Variants in NPIPB8 observed in about 807,000 individuals in gnomAD.
NPIPB8 encodes nuclear pore complex interacting protein family member B8.
NPIPB8 carries 3 observed loss-of-function variants against 5.3 expected under a neutral mutation model. The ratio of observed to expected loss-of-function variants is 0.57; its 90% confidence interval spans 0.26 to 1.47. NPIPB8 has a LOEUF of 1.47. Ranked by LOEUF, NPIPB8 falls within the 40% of genes most tolerant of loss-of-function variation. NPIPB8 has a pLI of 0.13. For missense variants in NPIPB8, 50 were observed against 50.2 expected (o/e 1.00, Z 0.01); for synonymous variants, 18 against 23.0 (o/e 0.78, Z 0.62).
intron 2 of NPIPB8, 83 bp downstream of exon 2, chr16:28,638,563 T>C: frequency 1.4e-6 from 2 of 1,440,110 alleles, no homozygotes; most frequent in Non-Finnish European, 1.9e-6. Flanking sequence ...TAGCGGGTGA[T>C]GCTGGGGGAA....
In NPIPB8 at chr16:28,644,923, G is replaced by A. The variant is rs375132703; in HGVS notation, c.121-3212G>A. Among the ~76,000 whole-genome samples the A allele has an allele frequency of 1.6e-3, 141 of 88,434 alleles. 1 individual carries two copies. The highest frequency in any genetic ancestry group is 1.3e-4 in the Non-Finnish European group (5 of 39,718). The allele number at this position is 88,434 out of a possible 152,430, so 58.0% of individuals were successfully genotyped here. A position where few individuals can be genotyped will look rare whatever the true frequency, so the allele number is the denominator to read the frequency against. On this transcript the variant is annotated intron_variant, in intron 2 of 7. Transcript: ENST00000683297. ...CTGAGGTGGGAGGATCGCTTGGGCC[G>A]AGGAGCTGGACGTTGCAGTGAGCTG...
At chr16:28,640,739 G>C (rs534861615) in intron 2 of NPIPB8, among the ~76,000 whole-genome samples, 3 of 152,144 alleles carry the variant, frequency 2.0e-5, no homozygotes, top group Non-Finnish European at 4.4e-5. Context: ...ATCATCACCA[G>C]CATGATTAAA....
At chr16:28,651,632 G>T (rs1220860149) in intron 3 of NPIPB8, among the ~76,000 whole-genome samples, 44 of 83,396 alleles carry the variant, frequency 5.3e-4, no homozygotes, top group African/African-American at 2.5e-3. Context: ...GTGTGTGTGT[G>T]TGTGTGTGTG....
intron 2 of NPIPB8, among the ~76,000 whole-genome samples, chr16:28,642,719 T>C (rs1431284821): frequency 2.6e-5 from 4 of 151,468 alleles, no homozygotes; most frequent in Non-Finnish European, 5.9e-5. Flanking sequence ...CCTGACCTTG[T>C]GATCCGCCCA....
chr16:28,647,585 C>A (rs1379064602), intron 2 of NPIPB8, among the ~76,000 whole-genome samples: 2 of 92,332 alleles, frequency 2.2e-5, no homozygotes, highest in Non-Finnish European at 2.0e-5. Flanking sequence ...CATGGTGAAA[C>A]CTCATCTCTA....
chr16:28,651,042 T>G (rs1177950471), intron 3 of NPIPB8, among the ~76,000 whole-genome samples: 7 of 89,322 alleles, frequency 7.8e-5, no homozygotes, highest in Admixed American at 7.3e-4. Context: ...TGGAGTGCAG[T>G]GGTGGGATCT....
intron 2 of NPIPB8, among the ~76,000 whole-genome samples, chr16:28,643,038 T>TG (rs2047933686): frequency 6.6e-6 from 1 of 151,970 alleles, no homozygotes; most frequent in Non-Finnish European, 1.5e-5. Context: ...TGATAGACAG[T>TG]GGGGGTCTGT....
rs2047824666 is a variant in NPIPB8 at position 28,638,117 on chromosome 16, C to T, written c.-72C>T. On this transcript the variant is annotated 5_prime_UTR_variant, in exon 1 of 8. Transcript: ENST00000683297. Reference sequence around the variant, plus strand: ...GAGAGAAACTGAATGACGAATGAAACTATTGTTCCTGTTTCACACAGAAGA... The same window carrying T: ...GAGAGAAACTGAATGACGAATGAAATTATTGTTCCTGTTTCACACAGAAGA... 1.5e-6 allele frequency: 1 copy of T among 645,368 alleles called. No individual in the cohort carries two copies. Among genetic ancestry groups the T allele is most frequent in the African/African-American group, 1.9e-5 (1 of 52,972 alleles). 40.0% of individuals were successfully genotyped at this position (645,368 alleles called of 1,614,324 possible).
chr16:28,642,842 T>C (rs1445986330), intron 2 of NPIPB8, among the ~76,000 whole-genome samples: 3 of 151,970 alleles, frequency 2.0e-5, no homozygotes, highest in Non-Finnish European at 4.4e-5. Flanking sequence ...GGTAAAGGCA[T>C]TGGCTTTCCA....
At chr16:28,640,288 A>G (rs1449932437) in intron 2 of NPIPB8, among the ~76,000 whole-genome samples, 3 of 151,796 alleles carry the variant, frequency 2.0e-5, no homozygotes, top group Non-Finnish European at 2.9e-5. Flanking sequence ...AATGTACACC[A>G]CTGAAGGCTC....
At chr16:28,644,731 A>T (rs1301120503) in intron 2 of NPIPB8, 1 of 888,564 alleles carries the variant, frequency 1.1e-6, no homozygotes, top group Non-Finnish European at 1.6e-6. Context: ...TACACAGCTC[A>T]GGCCTGTAAT....
intron 2 of NPIPB8, among the ~76,000 whole-genome samples, chr16:28,639,776 A>C (rs914282885): frequency 2.0e-5 from 3 of 150,972 alleles, no homozygotes; most frequent in Admixed American, 1.3e-4. Context: ...TTTTAACAAT[A>C]TACTATGAAG....
At chr16:28,653,058 A>C (rs1596689216) in intron 5 of NPIPB8, among the ~76,000 whole-genome samples, 1 of 113,156 alleles carries the variant, frequency 8.8e-6, no homozygotes, top group South Asian at 2.6e-4. Flanking sequence ...GGTGTGTGCC[A>C]CCACATTCGG....
intron 2 of NPIPB8, among the ~76,000 whole-genome samples, chr16:28,641,951 T>C (rs1032070903): frequency 2.1e-5 from 3 of 143,772 alleles, no homozygotes; most frequent in African/African-American, 7.9e-5. Context: ...ACATCTTCCT[T>C]TCCCTGTCTC....
At chr16:28,644,694 A>T (rs1254320847) in intron 2 of NPIPB8, 1 of 1,221,032 alleles carries the variant, frequency 8.2e-7, no homozygotes, top group East Asian at 3.5e-5. Context: ...CTTCCTTTTT[A>T]CTGGGCTGTG....
chr16:28,640,582 G>C (rs1300939881), intron 2 of NPIPB8, among the ~76,000 whole-genome samples: 5 of 152,130 alleles, frequency 3.3e-5, no homozygotes, highest in Non-Finnish European at 7.3e-5. Flanking sequence ...ACTCCATTAA[G>C]ACCGTCATAT....
chr16:28,640,594 G>A (rs1181838566), intron 2 of NPIPB8, among the ~76,000 whole-genome samples: 1 of 152,126 alleles, frequency 6.6e-6, no homozygotes, highest in Non-Finnish European at 1.5e-5. Context: ...CCGTCATATG[G>A]TGTCAGCCTG....
intron 2 of NPIPB8, among the ~76,000 whole-genome samples, chr16:28,642,578 G>T (rs1348178533): frequency 1.3e-5 from 2 of 151,004 alleles, no homozygotes; most frequent in Non-Finnish European, 3.0e-5. Context: ...TCTGCCTCCC[G>T]GGTTCAAACT....
At chr16:28,643,129 G>A (rs1180066147) in intron 2 of NPIPB8, among the ~76,000 whole-genome samples, 1 of 150,766 alleles carries the variant, frequency 6.6e-6, no homozygotes, top group Non-Finnish European at 1.5e-5. Flanking sequence ...AGCCCTCTGG[G>A]TATTGTGGGC....
Sources: gnomAD v4.1 joint callset for allele counts (sites outside exome capture counted in the v4.1 genomes callset) on GRCh38, gnomAD v4.1.1 for gene constraint, MANE v1.5 for transcripts, NCBI Gene and HGNC (gene_info 2026-07-23, HGNC 2026-07-21) for gene names.